Variants in SPAG16 observed in about 807,000 individuals in gnomAD.
The protein encoded by SPAG16 is sperm-associated antigen 16 protein.
Under a neutral mutation model 80.4 loss-of-function variants are expected in SPAG16, and 86 were observed. That is an observed-to-expected ratio of 1.07 (90% CI 0.90 to 1.28). The LOEUF (loss-of-function observed/expected upper bound fraction) is 1.28, where lower values mean the gene tolerates loss of function less well. Ranked by LOEUF, SPAG16 falls within the 50% of genes most tolerant of loss-of-function variation. SPAG16 has a pLI of 0.00. For missense variants in SPAG16, 870 were observed against 765.3 expected (o/e 1.14, Z -1.61); for synonymous variants, 294 against 265.9 (o/e 1.11, Z -1.03).
At chr2:213,441,989 A>G (rs967139736) in intron 9 of SPAG16, among the ~76,000 whole-genome samples, 3 of 152,190 alleles carry the variant, frequency 2.0e-5, no homozygotes, top group Non-Finnish European at 2.9e-5. Context: ...TCTACTAAAA[A>G]TATTTTTAAA....
chr2:214,146,550 A>G (rs568950019), intron 14 of SPAG16, among the ~76,000 whole-genome samples: 150 of 152,290 alleles, frequency 9.8e-4, no homozygotes, highest in Middle Eastern at 3.4e-3. Context: ...TATCAGCTTA[A>G]CAAATACTTG....
intron 10 of SPAG16, among the ~76,000 whole-genome samples, chr2:213,674,237 T>C (rs575267032): frequency 1.3e-5 from 2 of 152,306 alleles, no homozygotes; most frequent in South Asian, 4.1e-4. Flanking sequence ...TTTTACAGTT[T>C]GTAATTTCAT....
chr2:213,894,194 G>GA (rs1351653468), intron 11 of SPAG16, among the ~76,000 whole-genome samples: 1 of 152,052 alleles, frequency 6.6e-6, no homozygotes, highest in Non-Finnish European at 1.5e-5. Flanking sequence ...AAATTCTCAA[G>GA]AAAATATTAG....
At chr2:213,946,755 G>GTAGATTAGAGCAA in intron 12 of SPAG16, among the ~76,000 whole-genome samples, 1 of 152,150 alleles carries the variant, frequency 6.6e-6, no homozygotes, top group South Asian at 2.1e-4. Context: ...TATCACATGT[G>GTAGATTAGAGCAA]TAGATTAGAG....
chr2:214,178,362 G>A (rs2057198592), intron 15 of SPAG16, among the ~76,000 whole-genome samples: 1 of 150,994 alleles, frequency 6.6e-6, no homozygotes, highest in Admixed American at 6.6e-5. Flanking sequence ...GGTAATCAAT[G>A]TGAAAAACTG....
intron 15 of SPAG16, among the ~76,000 whole-genome samples, chr2:214,229,472 T>A (rs113535895): frequency 0.022 from 3,291 of 151,806 alleles, 80 homozygotes; most frequent in African/African-American, 0.056. Flanking sequence ...TATATTATAT[T>A]TATATGTATG....
At chr2:213,908,666 G>A (rs1267211392) in intron 11 of SPAG16, among the ~76,000 whole-genome samples, 1 of 152,056 alleles carries the variant, frequency 6.6e-6, no homozygotes, top group Non-Finnish European at 1.5e-5. Context: ...GCTAAACAAA[G>A]GAAGAGTATA....
chr2:213,554,517 T>G (rs2059362775), intron 10 of SPAG16, among the ~76,000 whole-genome samples: 1 of 152,078 alleles, frequency 6.6e-6, no homozygotes, highest in Non-Finnish European at 1.5e-5. Context: ...CAGTAGCTAA[T>G]CCCTCTAAAA....
intron 10 of SPAG16, among the ~76,000 whole-genome samples, chr2:213,801,693 T>G (rs1009007676): frequency 6.6e-6 from 1 of 152,188 alleles, no homozygotes; most frequent in African/African-American, 2.4e-5. Flanking sequence ...GAACAGAGAC[T>G]CTGAGATGGA....
At chr2:214,105,855 A>G (rs2125396290) in intron 13 of SPAG16, among the ~76,000 whole-genome samples, 1 of 152,254 alleles carries the variant, frequency 6.6e-6, no homozygotes, top group African/African-American at 2.4e-5. Context: ...TTGGGAACAA[A>G]GCTGTGTAGA....
chr2:214,041,976 G>A (rs1267385128), intron 13 of SPAG16, among the ~76,000 whole-genome samples: 59 of 88,202 alleles, frequency 6.7e-4, no homozygotes, highest in African/African-American at 3.1e-3. Context: ...GTGTCTGTGT[G>A]TGTATATATA....
At chr2:214,069,644 A>G (rs112176869) in intron 13 of SPAG16, among the ~76,000 whole-genome samples, 2 of 152,248 alleles carry the variant, frequency 1.3e-5, no homozygotes, top group African/African-American at 4.8e-5. Context: ...TAAAAGCATT[A>G]TCAGGAGGAA....
At chr2:214,125,999 T>TTTCCTTCC (rs869163622) in intron 14 of SPAG16, among the ~76,000 whole-genome samples, 3 of 91,630 alleles carry the variant, frequency 3.3e-5, no homozygotes, top group African/African-American at 1.2e-4. Flanking sequence ...TCCTTCCTTC[T>TTTCCTTCC]TTCCTTCCTT....
At chr2:213,658,598 G>A (rs1157782151) in intron 10 of SPAG16, among the ~76,000 whole-genome samples, 1 of 152,160 alleles carries the variant, frequency 6.6e-6, no homozygotes, top group Admixed American at 6.5e-5. Flanking sequence ...AGGCAACTGA[G>A]GTAGTGAAAG....
At chr2:214,182,128 G>T (rs2057326851) in intron 15 of SPAG16, among the ~76,000 whole-genome samples, 2 of 151,652 alleles carry the variant, frequency 1.3e-5, no homozygotes, top group Admixed American at 1.3e-4. Context: ...CCTTTTGCTG[G>T]AGATTTAAAT....
chr2:213,913,604 C>CAG (rs2077794955), intron 11 of SPAG16, among the ~76,000 whole-genome samples: 1 of 9,262 alleles, frequency 1.1e-4, no homozygotes, highest in African/African-American at 1.7e-4. Flanking sequence ...TGTATATGTA[C>CAG]ATGTACATAT....
intron 13 of SPAG16, among the ~76,000 whole-genome samples, chr2:214,066,548 A>G (rs1263287653): frequency 6.6e-6 from 1 of 152,138 alleles, no homozygotes; most frequent in African/African-American, 2.4e-5. Context: ...ATTGGTTTCA[A>G]ACTCTTTATG....
chr2:213,961,028 G>A (rs1223214608), intron 12 of SPAG16, among the ~76,000 whole-genome samples: 7 of 152,166 alleles, frequency 4.6e-5, no homozygotes, highest in South Asian at 2.1e-4. Flanking sequence ...AGCCATCTGC[G>A]ATGGGGACAA....
At chr2:213,989,321 T>C (rs2046169790) in intron 12 of SPAG16, among the ~76,000 whole-genome samples, 1 of 152,146 alleles carries the variant, frequency 6.6e-6, no homozygotes, top group African/African-American at 2.4e-5. Flanking sequence ...CTTCATTCTA[T>C]ATCCCCATTG....
Sources: allele counts gnomAD v4.1 joint callset (sites outside exome capture counted in the v4.1 genomes callset), GRCh38; gene constraint gnomAD v4.1.1; transcripts MANE v1.5; gene names NCBI Gene and HGNC (gene_info 2026-07-23, HGNC 2026-07-21).